GFRA1: variants seen among roughly 807,000 people sequenced by gnomAD.
The protein encoded by GFRA1 is GDNF family receptor alpha 1, also known as GDNF family receptor alpha-1.
In GFRA1, 16 loss-of-function variants were observed where a neutral mutation model predicts 51.6. The observed-to-expected ratio is 0.31, with a 90% confidence interval of 0.21 to 0.47. The LOEUF (loss-of-function observed/expected upper bound fraction) is 0.47, where lower values mean the gene tolerates loss of function less well. GFRA1 is among the 20% of genes least tolerant of loss of function. GFRA1 has a pLI of 1.00. For synonymous variants in GFRA1, 270 were observed against 241.3 expected, an observed-to-expected ratio of 1.12 and a Z score of -1.10; for missense variants, 530 against 594.3, an observed-to-expected ratio of 0.89 and a Z score of 1.13.
At chr10:116,156,086 C>T (rs1399155541) in intron 5 of GFRA1, among the ~76,000 whole-genome samples, 1 of 152,162 alleles carries the variant, frequency 6.6e-6, no homozygotes, top group African/African-American at 2.4e-5. Flanking sequence ...GCAGGCAACG[C>T]AAAGCTCCAA....
chr10:116,137,759 A>C (rs1029746597), intron 5 of GFRA1, among the ~76,000 whole-genome samples: 6 of 152,160 alleles, frequency 3.9e-5, no homozygotes, highest in African/African-American at 1.4e-4. Context: ...AGGAAGAAGA[A>C]ATGTCCATCT....
intron 4 of GFRA1, chr10:116,255,802 T>C (rs543875448): frequency 1.6e-6 from 2 of 1,240,974 alleles, no homozygotes; most frequent in East Asian, 5.7e-5. Flanking sequence ...GCACATTCCC[T>C]GGCACACAGT....
At chr10:116,208,571 T>C (rs1964956690) in intron 5 of GFRA1, among the ~76,000 whole-genome samples, 1 of 152,194 alleles carries the variant, frequency 6.6e-6, no homozygotes, top group Non-Finnish European at 1.5e-5. Flanking sequence ...TATACCTCTC[T>C]GGGCTCAGAG....
Position 116,060,665 on chromosome 10 carries a change from A to T in GFRA1, c.*3733T>A, listed in dbSNP as rs1281778047. On this transcript the variant is annotated 3_prime_UTR_variant, in exon 11 of 11. Transcript: ENST00000355422. The stretch of plus-strand genomic sequence containing the variant: ...GGTGTCACATAGTCTGATGTGCTTT[A>T]TCAAAGAACAGAGGCAAGAGCAAGA... 1 of 152,178 alleles carries T rather than the reference A, an allele frequency of 6.6e-6. No individual in the cohort carries two copies. Among genetic ancestry groups the T allele is most frequent in the Non-Finnish European group, 1.5e-5 (1 of 68,040 alleles). 9.4% of individuals were successfully genotyped at this position (152,178 alleles called of 1,614,324 possible).
At position 116,153,538 on chromosome 10, in the gene GFRA1, C is replaced by G. The variant is rs576598696; in HGVS notation, c.434-27981G>C. Among the ~76,000 whole-genome samples the G allele has an allele frequency of 3.3e-5, 5 of 152,288 alleles. No homozygotes were observed. In the East Asian group the frequency reaches 9.7e-4, roughly 29 times the overall value. ...TGGTTTAGAAATTAAACCACCACTG[C>G]CTTAAAACATTATTTTTTGGCTAGC... On this transcript the variant is annotated intron_variant, in intron 5 of 10. Coordinates refer to ENST00000355422, the MANE Select transcript of GFRA1 (RefSeq NM_005264.8).
chr10:116,209,305 T>C (rs548502217), intron 5 of GFRA1, among the ~76,000 whole-genome samples: 2 of 152,302 alleles, frequency 1.3e-5, no homozygotes, highest in African/African-American at 4.8e-5. Flanking sequence ...TTCTGTTTCC[T>C]CTGAGAACAT....
At chr10:116,248,592 C>T (rs1014955192) in intron 4 of GFRA1, among the ~76,000 whole-genome samples, 1 of 152,132 alleles carries the variant, frequency 6.6e-6, no homozygotes, top group Non-Finnish European at 1.5e-5. Flanking sequence ...GAAGGAAAAT[C>T]AAAACAACCG....
intron 9 of GFRA1, among the ~76,000 whole-genome samples, chr10:116,066,964 G>GTAATT (rs1235439050): frequency 2.0e-5 from 3 of 152,236 alleles, no homozygotes; most frequent in African/African-American, 7.2e-5. Flanking sequence ...CACCCAAGGA[G>GTAATT]TAATTTATTG....
chr10:116,079,249 A>G (rs1278538577), intron 9 of GFRA1, among the ~76,000 whole-genome samples: 3 of 151,912 alleles, frequency 2.0e-5, no homozygotes, highest in Non-Finnish European at 4.4e-5. Flanking sequence ...CAGCCTCCAG[A>G]GCTATGAGAA....
chr10:116,250,047 C>T lies in GFRA1; in HGVS notation c.418+19456G>A, dbSNP rs187132282. 1.2e-4 allele frequency among the ~76,000 whole-genome samples: 19 copies of T among 152,056 alleles called. 1 individual carries two copies. The East Asian group carries it at 1.9e-3, about 15-fold the overall frequency. ...AGATCATAGAGGACATTCCAGATGA[C>T]GGGGGGAAGGCAAGGGCAAAGGCTT... On this transcript the variant is annotated intron_variant, in intron 4 of 10. Transcript: ENST00000355422.
chr10:116,108,346 G>A (rs1179898733), intron 6 of GFRA1, among the ~76,000 whole-genome samples: 14 of 152,078 alleles, frequency 9.2e-5, no homozygotes, highest in Non-Finnish European at 1.5e-5. Flanking sequence ...CAGGAGACAG[G>A]GAATTGTGGC....
At chr10:116,196,623 TATATA>T (rs1235002165) in intron 5 of GFRA1, among the ~76,000 whole-genome samples, 8 of 37,868 alleles carry the variant, frequency 2.1e-4, no homozygotes, top group African/African-American at 7.7e-4. Context: ...ATATATAATA[TATATA>T]ATATATAGTA....
At chr10:116,265,802 T>C (rs981756154) in intron 4 of GFRA1, among the ~76,000 whole-genome samples, 2 of 152,070 alleles carry the variant, frequency 1.3e-5, no homozygotes, top group African/African-American at 4.8e-5. Flanking sequence ...CGGCGCACTT[T>C]CTCCTGTGTG....
intron 5 of GFRA1, among the ~76,000 whole-genome samples, chr10:116,196,350 G>T (rs1046179118): frequency 1.3e-5 from 2 of 150,564 alleles, no homozygotes; most frequent in Non-Finnish European, 3.0e-5. Context: ...TTTGCCGGAC[G>T]TGGTGGCAGG....
intron 8 of GFRA1, among the ~76,000 whole-genome samples, chr10:116,091,120 A>G (rs543069493): frequency 2.0e-5 from 3 of 152,334 alleles, no homozygotes; most frequent in African/African-American, 7.2e-5. Flanking sequence ...TAAAACATGT[A>G]GATTCAAGAG....
rs570492531 is a variant in GFRA1 at position 116,062,785 on chromosome 10, A to G, written c.*1613T>C. The stretch of plus-strand genomic sequence containing the variant: ...TCTCGCCATCTAAACCAGACTTCAA[A>G]AGTGCACTTTCGGGTCTACTTAGTT... On this transcript the variant is annotated 3_prime_UTR_variant, in exon 11 of 11. Coordinates refer to ENST00000355422, the MANE Select transcript of GFRA1 (RefSeq NM_005264.8). The G allele has an allele frequency of 6.6e-6, 1 of 152,274 alleles. No homozygotes were observed. Among genetic ancestry groups the G allele is most frequent in the South Asian group, 2.1e-4 (1 of 4,822 alleles). The allele number at this position is 152,274 out of a possible 1,614,324, so 9.4% of individuals were successfully genotyped here. A position where few individuals can be genotyped will look rare whatever the true frequency, so the allele number is the denominator to read the frequency against.
chr10:116,195,877 G>A (rs1565642597), intron 5 of GFRA1, among the ~76,000 whole-genome samples: 1 of 152,294 alleles, frequency 6.6e-6, no homozygotes, highest in African/African-American at 2.4e-5. Context: ...TTGATTTGGG[G>A]TGGGTTACTA....
At position 116,242,170 on chromosome 10, in the gene GFRA1, C is replaced by G. The variant is rs1174233784; in HGVS notation, c.418+27333G>C. Among the ~76,000 whole-genome samples the G allele has an allele frequency of 2.0e-5, 3 of 152,256 alleles. No homozygotes were observed. In the South Asian group the frequency reaches 6.2e-4, roughly 32 times the overall value. ...TCATCTCTCTATTCTTGTTTAGACA[C>G]AGTCTGAAACCCTGTGCGTTGGCAA... On this transcript the variant is annotated intron_variant, in intron 4 of 10. Coordinates refer to ENST00000355422, the MANE Select transcript of GFRA1 (RefSeq NM_005264.8).
intron 9 of GFRA1, among the ~76,000 whole-genome samples, chr10:116,066,464 G>GAACAACCCTCC (rs1955120623): frequency 6.6e-6 from 1 of 152,120 alleles, no homozygotes; most frequent in African/African-American, 2.4e-5. Context: ...TCCTCAACTG[G>GAACAACCCTCC]AACAACCCTC....
Sources: allele counts gnomAD v4.1 joint callset (sites outside exome capture counted in the v4.1 genomes callset), GRCh38; gene constraint gnomAD v4.1.1; transcripts MANE v1.5; gene names NCBI Gene and HGNC (gene_info 2026-07-23, HGNC 2026-07-21).